Variants in BRD10 observed in about 807,000 individuals in gnomAD.
BRD10 encodes the protein bromodomain containing 10.
At chr9:5,966,389 T>C in the BRD10 span, among the ~76,000 whole-genome samples, 9 of 151,108 alleles carry the variant, frequency 6.0e-5, no homozygotes, top group Admixed American at 1.3e-4. Context: ...TAATATACTA[T>C]ATAATTGAGT....
At chr9:5,926,186 G>A in the BRD10 span, among the ~76,000 whole-genome samples, 4 of 151,988 alleles carry the variant, frequency 2.6e-5, no homozygotes, top group East Asian at 1.9e-4. Flanking sequence ...AAAGTGCTGG[G>A]ATTACAGGCG....
the BRD10 span, among the ~76,000 whole-genome samples, chr9:6,005,115 A>G: frequency 2.6e-5 from 4 of 152,268 alleles, no homozygotes; most frequent in Non-Finnish European, 4.4e-5. Flanking sequence ...TCACATGGGA[A>G]TATAAGTATT....
chr9:5,955,116 C>A, the BRD10 span, among the ~76,000 whole-genome samples: 2 of 151,790 alleles, frequency 1.3e-5, no homozygotes, highest in Non-Finnish European at 1.5e-5. Flanking sequence ...AAATAAAATT[C>A]TATTTTTAGT....
At chr9:5,944,255 G>A in the BRD10 span, among the ~76,000 whole-genome samples, 1 of 151,982 alleles carries the variant, frequency 6.6e-6, no homozygotes, top group East Asian at 1.9e-4. Context: ...TTAATAAATA[G>A]CACAATTGAG....
the BRD10 span, among the ~76,000 whole-genome samples, chr9:5,931,507 T>G: frequency 1.3e-5 from 2 of 152,194 alleles, no homozygotes; most frequent in South Asian, 4.1e-4. Flanking sequence ...AGCTTAAATA[T>G]TATGATCAGA....
chr9:5,991,746 G>C, the BRD10 span, among the ~76,000 whole-genome samples: 4 of 138,684 alleles, frequency 2.9e-5, no homozygotes, highest in South Asian at 2.3e-4. Flanking sequence ...AAAAAAAAAA[G>C]GCAAATCAGA....
At chr9:5,961,789 G>C in the BRD10 span, among the ~76,000 whole-genome samples, 46 of 152,242 alleles carry the variant, frequency 3.0e-4, no homozygotes, top group South Asian at 3.7e-3. Flanking sequence ...CTGAAAAGCA[G>C]ATTAAAATGC....
chr9:5,879,114 A>G, the BRD10 span, among the ~76,000 whole-genome samples: 1 of 152,200 alleles, frequency 6.6e-6, no homozygotes, highest in Non-Finnish European at 1.5e-5. Context: ...CTGAAATATT[A>G]CAAAGACTTT....
the BRD10 span, among the ~76,000 whole-genome samples, chr9:5,956,022 G>T: frequency 1.0e-3 from 157 of 152,128 alleles, 1 homozygote; most frequent in Middle Eastern, 0.024. Context: ...AAAACTGAAT[G>T]ATCTTGCTGA....
the BRD10 span, among the ~76,000 whole-genome samples, chr9:5,971,313 C>T: frequency 1 from 151,690 of 152,290 alleles, 75,546 homozygotes; most frequent in East Asian, 1. Flanking sequence ...ACACTGTAGG[C>T]AGTATAATTG....
the BRD10 span, among the ~76,000 whole-genome samples, chr9:5,958,347 C>T: frequency 6.6e-6 from 1 of 152,176 alleles, no homozygotes; most frequent in Non-Finnish European, 1.5e-5. Context: ...TATTTCTTTA[C>T]ATAAGAAGGT....
the BRD10 span, among the ~76,000 whole-genome samples, chr9:5,906,166 C>T: frequency 6.8e-6 from 1 of 148,072 alleles, no homozygotes; most frequent in African/African-American, 2.5e-5. Flanking sequence ...GCCTAGGCAA[C>T]TTAGCAAGAT....
At chr9:5,996,062 T>C in the BRD10 span, among the ~76,000 whole-genome samples, 1 of 152,136 alleles carries the variant, frequency 6.6e-6, no homozygotes, top group Non-Finnish European at 1.5e-5. Flanking sequence ...AAAAGTTCTA[T>C]GGACAAAAAT....
the BRD10 span, among the ~76,000 whole-genome samples, chr9:5,985,006 T>G: frequency 1.3e-5 from 2 of 151,998 alleles, no homozygotes; most frequent in Non-Finnish European, 2.9e-5. Context: ...CTATTTAATT[T>G]CAAGACTTAC....
chr9:6,006,359 C>G, the BRD10 span, among the ~76,000 whole-genome samples: 3 of 152,228 alleles, frequency 2.0e-5, no homozygotes, highest in Admixed American at 6.5e-5. Context: ...AACTACTATT[C>G]CACTTCAACT....
the BRD10 span, chr9:5,920,504 T>C: frequency 6.2e-7 from 1 of 1,614,004 alleles, no homozygotes; most frequent in African/African-American, 1.3e-5. Context: ...AGCTTGCTGA[T>C]TTGGCAGAGA....
At chr9:5,964,324 A>T in the BRD10 span, among the ~76,000 whole-genome samples, 1 of 151,762 alleles carries the variant, frequency 6.6e-6, no homozygotes, top group Non-Finnish European at 1.5e-5. Flanking sequence ...ATCACTGGCC[A>T]TCAGAGAAAT....
the BRD10 span, chr9:5,908,513 T>C: frequency 4.9e-6 from 4 of 814,882 alleles, no homozygotes; most frequent in Middle Eastern, 2.3e-4. Flanking sequence ...GCAGAAATTA[T>C]ATGGGAACAC....
At chr9:5,923,797 A>G in the BRD10 span, among the ~76,000 whole-genome samples, 1 of 152,224 alleles carries the variant, frequency 6.6e-6, no homozygotes, top group Non-Finnish European at 1.5e-5. Flanking sequence ...TAGTGAAAAA[A>G]TTTATGTTCA....
Sources: allele counts gnomAD v4.1 joint callset (sites outside exome capture counted in the v4.1 genomes callset), GRCh38; gene constraint gnomAD v4.1.1; transcripts MANE v1.5; gene names NCBI Gene and HGNC (gene_info 2026-07-23, HGNC 2026-07-21).